Variants in HDX observed in about 807,000 individuals in gnomAD.
HDX encodes the protein chromosome X open reading frame 43.
A neutral mutation model predicts 45.2 loss-of-function variants in HDX; 19 were observed. The observed-to-expected ratio is 0.42, with a 90% CI of 0.29 to 0.62. The LOEUF is 0.62. Among genes scored for constraint, HDX ranks in the 20% least tolerant of loss-of-function variants. The probability of loss-of-function intolerance (pLI) is 0.20; values close to 1 mark genes in which losing one functional copy is unlikely to be tolerated. For missense variants in HDX, 532 were observed against 493.9 expected, an observed-to-expected ratio of 1.08 and a Z score of -0.73; for synonymous variants, 188 against 172.8, an observed-to-expected ratio of 1.09 and a Z score of -0.69.
intron 6 of HDX, among the ~76,000 whole-genome samples, chrX:84,360,769 A>G (rs1232792212): frequency 8.9e-6 from 1 of 112,060 alleles, no homozygotes; most frequent in Admixed American, 9.5e-5. Context: ...ATATGGCTCT[A>G]TAATAGTCCA....
rs755981489 is a variant in HDX, at chrX:84,475,206, T to C, written c.147+45A>G. The C allele has an allele frequency of 6.4e-6, 7 of 1,094,473 alleles. No individual in the cohort carries two copies. The South Asian group carries it at 8.3e-5, about 13-fold the overall frequency. The allele number at this position is 1,094,473 out of a possible 1,213,427, so 90.2% of individuals were successfully genotyped here. On this transcript the variant is annotated intron_variant, in intron 3 of 10. Transcript: ENST00000373177. Reference sequence around the variant, plus strand: ...TTTCTCATATTAAGCAAATATCACTTGTAATAAGAAGCTTTAAATTTGAGT... The same window carrying C: ...TTTCTCATATTAAGCAAATATCACTCGTAATAAGAAGCTTTAAATTTGAGT...
At chrX:84,433,362 T>C (rs2039549046) in intron 5 of HDX, among the ~76,000 whole-genome samples, 1 of 111,755 alleles carries the variant, frequency 8.9e-6, no homozygotes, top group Admixed American at 9.5e-5. Context: ...TAGTTGATTT[T>C]TATTTTTTGT....
chrX:84,468,593 G>A lies in HDX; in HGVS notation c.1130C>T (p.Thr377Ile), dbSNP rs770543191. 8.3e-7 allele frequency: 1 copy of A among 1,201,644 alleles called. No individual in the cohort carries two copies. Among genetic ancestry groups the A allele is most frequent in the South Asian group, 1.8e-5 (1 of 56,728 alleles). The change falls in exon 4 of 11, where the codon ACC (threonine) becomes ATC (isoleucine). Residue 377 changes from threonine to isoleucine, a missense_variant. Around this residue, in one of 3 missense-constraint regions of HDX, gnomAD observed 376 missense variants for 343.7 expected, o/e 1.09. Coordinates refer to ENST00000373177, the MANE Select transcript of HDX (RefSeq NM_001177479.2). ...QNRNYHLTPR[T>I]SLHTASSTMY... ...TGTACTAGATGCTGTATGTAATGAG[G>A]TCCGTGGTGTCAAATGGTAGTTTCT...
chrX:84,359,518 G>A (rs930704269), intron 6 of HDX, among the ~76,000 whole-genome samples: 6 of 111,504 alleles, frequency 5.4e-5, no homozygotes, highest in Non-Finnish European at 9.4e-5. Context: ...CAAAGGACAT[G>A]ATCTCATTCC....
intron 1 of HDX, among the ~76,000 whole-genome samples, chrX:84,490,008 T>C (rs1038543794): frequency 8.9e-6 from 1 of 112,268 alleles, no homozygotes; most frequent in African/African-American, 3.2e-5. Flanking sequence ...TCTTTTACAA[T>C]TAATTTTAGT....
intron 2 of HDX, among the ~76,000 whole-genome samples, chrX:84,485,757 T>C (rs966332760): frequency 9.0e-6 from 1 of 111,727 alleles, no homozygotes; most frequent in African/African-American, 3.3e-5. Flanking sequence ...TGTAGTATTG[T>C]TATATCTTTT....
At chrX:84,464,621 A>G (rs1042505008) in intron 4 of HDX, among the ~76,000 whole-genome samples, 1 of 112,036 alleles carries the variant, frequency 8.9e-6, no homozygotes, top group African/African-American at 3.2e-5. Flanking sequence ...CTGGCTAGCC[A>G]TATGTAGAAA....
chrX:84,396,330 T>C (rs2038562418), intron 5 of HDX, among the ~76,000 whole-genome samples: 1 of 112,398 alleles, frequency 8.9e-6, no homozygotes, highest in African/African-American at 3.2e-5. Flanking sequence ...GTAAATAGCA[T>C]TATTGGTATC....
At chrX:84,364,491 CTTTTTTTTTTTTT>C (rs1169466223) in intron 5 of HDX, among the ~76,000 whole-genome samples, 5 of 48,237 alleles carry the variant, frequency 1.0e-4, no homozygotes, top group African/African-American at 3.9e-4. Context: ...AGTTATTCAC[CTTTTTTTTTTTTT>C]TTTTTTTTTT....
rs1396208489 is a variant in HDX at position 84,319,094 on chromosome X, A to G, written c.*2795T>C. ...AACTGCTTGGCTGTTCTAAGCTTAA[A>G]GCAGACATAGAAATGTAGTTGAAAG... On this transcript the variant is annotated 3_prime_UTR_variant, in exon 11 of 11. Transcript: ENST00000373177. 2.7e-5 allele frequency: 3 copies of G among 111,016 alleles called. No homozygotes were observed. The highest frequency in any genetic ancestry group is 5.7e-5 in the Non-Finnish European group (3 of 52,474). The allele number at this position is 111,016 out of a possible 1,213,427, so 9.1% of individuals were successfully genotyped here.
intron 5 of HDX, among the ~76,000 whole-genome samples, chrX:84,408,661 C>G (rs2147978093): frequency 9.2e-6 from 1 of 108,816 alleles, no homozygotes; most frequent in Non-Finnish European, 1.9e-5. Context: ...AACATCATAC[C>G]CCTTTTAATG....
intron 4 of HDX, among the ~76,000 whole-genome samples, chrX:84,462,906 T>C (rs904643465): frequency 3.6e-5 from 4 of 110,986 alleles, no homozygotes; most frequent in African/African-American, 6.5e-5. Context: ...ATCATACTAA[T>C]TGAAAGAAGC....
At chrX:84,327,718 G>A (rs977039733) in intron 9 of HDX, among the ~76,000 whole-genome samples, 5 of 111,314 alleles carry the variant, frequency 4.5e-5, no homozygotes, top group East Asian at 2.8e-4. Flanking sequence ...GAAAATCTTC[G>A]TTACCTTGGG....
At position 84,372,004 on chromosome X, in the gene HDX, T is replaced by C. The variant is rs192540693; in HGVS notation, c.1306-10392A>G. On this transcript the variant is annotated intron_variant, in intron 5 of 10. Coordinates refer to ENST00000373177, the MANE Select transcript of HDX (RefSeq NM_001177479.2). ...AGTTTGGTTAAAAAATAAATCAAAA[T>C]AGGAAATTTACAAGAAAATGTAATT... Among the ~76,000 whole-genome samples the C allele has an allele frequency of 2.2e-3, 247 of 111,682 alleles. 2 individuals carry two copies. Among genetic ancestry groups the C allele is most frequent in the African/African-American group, 7.7e-3 (238 of 30,749 alleles).
At chrX:84,330,245 CA>C (rs1396959309) in intron 9 of HDX, among the ~76,000 whole-genome samples, 1 of 111,409 alleles carries the variant, frequency 9.0e-6, no homozygotes, top group Non-Finnish European at 1.9e-5. Flanking sequence ...GTTACCATTT[CA>C]AAAAACATGG....
At chrX:84,491,701 T>C (rs1388121431) in intron 1 of HDX, among the ~76,000 whole-genome samples, 1 of 111,727 alleles carries the variant, frequency 9.0e-6, no homozygotes, top group African/African-American at 3.3e-5. Context: ...TTGGTTTGGT[T>C]CTTTTGAAGT....
At chrX:84,471,881 TAAAACTA>T (rs1195481983) in intron 3 of HDX, among the ~76,000 whole-genome samples, 1 of 111,151 alleles carries the variant, frequency 9.0e-6, no homozygotes, top group East Asian at 2.8e-4. Flanking sequence ...GAGAAATACT[TAAAACTA>T]AAATGTTAAA....
At chrX:84,466,215 G>C (rs1464877272) in intron 4 of HDX, among the ~76,000 whole-genome samples, 1 of 112,335 alleles carries the variant, frequency 8.9e-6, no homozygotes, top group African/African-American at 3.2e-5. Context: ...GACTAGCAGA[G>C]TTTCATTAAC....
chrX:84,345,739 A>G (rs1433503273), intron 6 of HDX, among the ~76,000 whole-genome samples: 5 of 111,657 alleles, frequency 4.5e-5, no homozygotes, highest in Non-Finnish European at 5.7e-5. Context: ...GCCATTTTAC[A>G]TTCTTATCAG....
Sources: gnomAD v4.1 joint callset for allele counts (sites outside exome capture counted in the v4.1 genomes callset) on GRCh38, gnomAD v4.1.1 for gene constraint, gnomAD v4.1.1 regional missense constraint, MANE v1.5 for transcripts, NCBI Gene and HGNC (gene_info 2026-07-23, HGNC 2026-07-21) for gene names.